The following HIF1AN variants were observed in gnomAD, a reference collection of about 807,000 sequenced individuals.
HIF1AN encodes the protein hypoxia inducible factor 1 subunit alpha inhibitor.
In HIF1AN, 21 loss-of-function variants were observed where a neutral mutation model predicts 47.7. The ratio of observed to expected loss-of-function variants is 0.44; its 90% CI spans 0.31 to 0.63. HIF1AN has a LOEUF of 0.63. HIF1AN is among the 30% of genes least tolerant of loss of function. The probability of loss-of-function intolerance (pLI) is 0.07; values close to 1 mark genes in which losing one functional copy is unlikely to be tolerated. For synonymous variants in HIF1AN, 152 were observed against 155.9 expected (o/e 0.98, Z 0.18); for missense variants, 320 against 432.7 (o/e 0.74, Z 2.31).
chr10:100,538,818 C>CAAA (rs537239935), intron 2 of HIF1AN, among the ~76,000 whole-genome samples: 1 of 68,346 alleles, frequency 1.5e-5, no homozygotes, highest in African/African-American at 5.5e-5. Context: ...GACTCCGTCT[C>CAAA]AAAAAAAAAA....
At chr10:100,536,362 T>C (rs757001941) in intron 1 of HIF1AN, 49 bp from the exon 2 acceptor site, 98 of 1,600,890 alleles carry the variant, frequency 6.1e-5, no homozygotes, top group Non-Finnish European at 7.9e-5. Context: ...ACCCACCGGC[T>C]CCTTGGCATT....
At position 100,550,103 on chromosome 10, in the gene HIF1AN, T is replaced by A. The variant is rs991970100; in HGVS notation, c.*1966T>A. On this transcript the variant is annotated 3_prime_UTR_variant, in exon 8 of 8. Coordinates refer to ENST00000299163, the MANE Select transcript of HIF1AN (RefSeq NM_017902.3). ...AGTCACACTTGGAAAGATAGTAGAT[T>A]ATTTTCGTTCTCCTCAGCAGGTCTG... 1 of 152,200 alleles carries A rather than the reference T, an allele frequency of 6.6e-6. No individual in the cohort carries two copies. The highest frequency in any genetic ancestry group is 2.4e-5 in the African/African-American group (1 of 41,436). The allele number at this position is 152,200 out of a possible 1,614,324, so 9.4% of individuals were successfully genotyped here.
At chr10:100,539,176 C>T (rs1842992470) in intron 2 of HIF1AN, among the ~76,000 whole-genome samples, 1 of 152,180 alleles carries the variant, frequency 6.6e-6, no homozygotes, top group Non-Finnish European at 1.5e-5. Flanking sequence ...AGGCAATCCA[C>T]CTCCCTTGGC....
intron 5 of HIF1AN, 140 bp downstream of exon 5, chr10:100,546,189 C>A: frequency 1.5e-6 from 1 of 659,362 alleles, no homozygotes. Flanking sequence ...CAGACATGAG[C>A]GTACTGAACC....
At chr10:100,539,722 AT>A (rs1193592136) in intron 2 of HIF1AN, among the ~76,000 whole-genome samples, 3 of 152,218 alleles carry the variant, frequency 2.0e-5, no homozygotes, top group African/African-American at 7.2e-5. Flanking sequence ...TTCTGTGGAC[AT>A]TTCCTTGGCC....
intron 3 of HIF1AN, among the ~76,000 whole-genome samples, chr10:100,542,634 C>T (rs780192471): frequency 4.6e-5 from 7 of 152,116 alleles, no homozygotes; most frequent in Non-Finnish European, 8.8e-5. Context: ...GGATTACAGG[C>T]GTGAGCCACC....
Position 100,550,391 on chromosome 10 carries a change from C to T in HIF1AN, c.*2254C>T, listed in dbSNP as rs1843145921. On this transcript the variant is annotated 3_prime_UTR_variant, in exon 8 of 8. Transcript: ENST00000299163. ...CTATCCTGCAAGGTAGGTATTCTCA[C>T]TTACAGATGAATAAATGGGCTCAGA... 1 of 152,222 alleles carries T rather than the reference C, an allele frequency of 6.6e-6. No homozygotes were observed. Among genetic ancestry groups the T allele is most frequent in the Non-Finnish European group, 1.5e-5 (1 of 68,042 alleles). 9.4% of individuals were successfully genotyped at this position (152,222 alleles called of 1,614,324 possible).
At chr10:100,542,664 T>G (rs1314091065) in intron 3 of HIF1AN, among the ~76,000 whole-genome samples, 1 of 152,042 alleles carries the variant, frequency 6.6e-6, no homozygotes, top group African/African-American at 2.4e-5. Context: ...AAATTCAACT[T>G]TATCTTTTAA....
In HIF1AN at chr10:100,547,161, A is replaced by C; in HGVS notation, c.916A>C (p.Ile306Leu). 1.2e-6 allele frequency: 2 copies of C among 1,613,766 alleles called. No homozygotes were observed. Among genetic ancestry groups the C allele is most frequent in the Non-Finnish European group, 1.7e-6 (2 of 1,179,834 alleles). ...GTAGGGGGCTCCCACCCCTAAGAGAATTGAATATCCTCTCAAAGCTCATCA... is the reference window on the plus strand; with the variant it reads ...GTAGGGGGCTCCCACCCCTAAGAGACTTGAATATCCTCTCAAAGCTCATCA... Reference protein sequence around the residue: ...WYKGAPTPKRIEYPLKAHQKV... With the variant: ...WYKGAPTPKRLEYPLKAHQKV... The change falls in exon 7 of 8, where the codon ATT becomes CTT. Residue 306 changes from isoleucine (I) to leucine (L), a missense_variant. By Grantham distance (5) the Ile-to-Leu change is conservative. Transcript: ENST00000299163.
intron 3 of HIF1AN, among the ~76,000 whole-genome samples, chr10:100,543,313 C>A (rs1049727149): frequency 2.6e-5 from 4 of 152,156 alleles, no homozygotes; most frequent in Non-Finnish European, 5.9e-5. Flanking sequence ...CCTCACCCTT[C>A]CAAGTAGCTA....
At chr10:100,547,089 CACTG>C (rs1843101342) in intron 6 of HIF1AN, 47 bp from the exon 7 acceptor site, 1 of 1,296,356 alleles carries the variant, frequency 7.7e-7, no homozygotes, top group Admixed American at 1.8e-5. Context: ...AGTAGAGTGA[CACTG>C]ACGCCTGCTG....
Position 100,555,791 on chromosome 10 carries a change from G to A in HIF1AN, c.*7654G>A, listed in dbSNP as rs968607367. On this transcript the variant is annotated 3_prime_UTR_variant, in exon 8 of 8. Transcript: ENST00000299163. ...TAAAACCTATTCACTTGGTCATTGAGGTCAGAACTATCAGGAAAGCTGTGC... is the reference window on the plus strand; with the variant it reads ...TAAAACCTATTCACTTGGTCATTGAAGTCAGAACTATCAGGAAAGCTGTGC... The A allele has an allele frequency of 3.3e-5, 5 of 152,200 alleles. No homozygotes were observed. Among genetic ancestry groups the A allele is most frequent in the African/African-American group, 7.2e-5 (3 of 41,438 alleles). 9.4% of individuals were successfully genotyped at this position (152,200 alleles called of 1,614,324 possible).
rs1589757245 is a variant in HIF1AN, at chr10:100,557,010, T to G, written c.*8873T>G. ...GAAGTGAAATCACAGAAGAGATGACTGGGGCAGGAAAAGCAAGATGGAAAA... is the reference window on the plus strand; with the variant it reads ...GAAGTGAAATCACAGAAGAGATGACGGGGGCAGGAAAAGCAAGATGGAAAA... On this transcript the variant is annotated 3_prime_UTR_variant, in exon 8 of 8. Coordinates refer to ENST00000299163, the MANE Select transcript of HIF1AN (RefSeq NM_017902.3). 1 of 152,188 alleles carries G rather than the reference T, an allele frequency of 6.6e-6. No individual in the cohort carries two copies. Among genetic ancestry groups the G allele is most frequent in the Admixed American group, 6.5e-5 (1 of 15,280 alleles). 9.4% of individuals were successfully genotyped at this position (152,188 alleles called of 1,614,324 possible).
At chr10:100,548,006 G>T in intron 7 of HIF1AN, 87 bp from the exon 8 acceptor site, 1 of 1,199,818 alleles carries the variant, frequency 8.3e-7, no homozygotes, top group Non-Finnish European at 1.2e-6. Flanking sequence ...GTCCTTGGCT[G>T]GACATCTGAT....
In HIF1AN at chr10:100,550,796, A is replaced by G. The variant is rs1000699669; in HGVS notation, c.*2659A>G. On this transcript the variant is annotated 3_prime_UTR_variant, in exon 8 of 8. Transcript: ENST00000299163. ...CCTCCCGGCATGCTTTTGCATCTAT[A>G]GAACTGAAGCTGTAGTTCTAGATGG... is the stretch of plus-strand genomic sequence containing the variant. The G allele has an allele frequency of 5.3e-5, 8 of 152,240 alleles. No individual in the cohort carries two copies. The highest frequency in any genetic ancestry group is 1.7e-4 in the African/African-American group (7 of 41,460). The allele number at this position is 152,240 out of a possible 1,614,324, so 9.4% of individuals were successfully genotyped here.
At chr10:100,538,071 A>G (rs777207303) in intron 2 of HIF1AN, among the ~76,000 whole-genome samples, 4 of 152,258 alleles carry the variant, frequency 2.6e-5, no homozygotes, top group Non-Finnish European at 5.9e-5. Flanking sequence ...TTGAATGAAC[A>G]TATACCCAAG....
intron 2 of HIF1AN, among the ~76,000 whole-genome samples, chr10:100,538,501 A>G (rs926437313): frequency 1.3e-5 from 2 of 152,102 alleles, no homozygotes; most frequent in Non-Finnish European, 2.9e-5. Flanking sequence ...TGAGGATTTC[A>G]TGTTCCTACA....
intron 7 of HIF1AN, 31 bp from the exon 8 acceptor site, chr10:100,548,062 G>C: frequency 1.9e-6 from 3 of 1,612,176 alleles, no homozygotes; most frequent in Non-Finnish European, 2.5e-6. Context: ...GGAACAGCCA[G>C]TTCTGATTGG....
Position 100,548,311 on chromosome 10 carries a change from C to T in HIF1AN, c.*174C>T, listed in dbSNP as rs532448102. 1 of 527,172 alleles carries T rather than the reference C, an allele frequency of 1.9e-6. No individual in the cohort carries two copies. Among genetic ancestry groups the T allele is most frequent in the East Asian group, 3.3e-5 (1 of 30,522 alleles). 32.7% of individuals were successfully genotyped at this position (527,172 alleles called of 1,614,324 possible). On this transcript the variant is annotated 3_prime_UTR_variant, in exon 8 of 8. Transcript: ENST00000299163. Reference sequence around the variant, plus strand: ...GCGAGGCAGGGCAGTTGGCACTCCACTCCTATTTGGAGGGACTTCATACCC... The same window carrying T: ...GCGAGGCAGGGCAGTTGGCACTCCATTCCTATTTGGAGGGACTTCATACCC...
Sources: allele counts gnomAD v4.1 joint callset (sites outside exome capture counted in the v4.1 genomes callset), GRCh38; gene constraint gnomAD v4.1.1; transcripts MANE v1.5; gene names NCBI Gene and HGNC (gene_info 2026-07-23, HGNC 2026-07-21).